Variants in CLCNKA observed in about 807,000 individuals in gnomAD.
The protein encoded by CLCNKA is chloride voltage-gated channel Ka, also known as chloride channel protein ClC-Ka.
CLCNKA carries 66 observed loss-of-function variants against 83.3 expected under a neutral mutation model. The ratio of observed to expected loss-of-function variants is 0.79; its 90% CI spans 0.65 to 0.97. The LOEUF is 0.97. CLCNKA is among the 50% of genes least tolerant of loss of function. The pLI is 0.00. For missense variants in CLCNKA, 806 were observed against 888.7 expected, an observed-to-expected ratio of 0.91 and a Z score of 1.18; for synonymous variants, 357 against 370.4, an observed-to-expected ratio of 0.96 and a Z score of 0.42.
intron 5 of CLCNKA, 67 bp downstream of exon 5, chr1:16,026,314 A>ACCAC: frequency 6.3e-7 from 1 of 1,582,704 alleles, no homozygotes; most frequent in Non-Finnish European, 8.6e-7. Flanking sequence ...TCTCCCCCAT[A>ACCAC]CCCCACCAAA....
Position 16,028,789 on chromosome 1 carries a change from T to G in CLCNKA, c.997T>G (p.Leu333Val). The stretch of plus-strand genomic sequence containing the variant: ...GCCTGTGTACTCCGCTCTGGCCACC[T>G]TGCTTCTCGCCTCCATCACCTACCC... Reference protein sequence around the residue: ...SKPVYSALATLLLASITYPPG... With the variant: ...SKPVYSALATVLLASITYPPG... The change falls in exon 11 of 20, where the codon TTG (leucine) becomes GTG (valine). Residue 333 changes from leucine (L) to valine (V), a missense_variant. By Grantham distance (32) the Leu-to-Val change is conservative. Transcript: ENST00000331433. 6.2e-7 allele frequency: 1 copy of G among 1,614,126 alleles called. No homozygotes were observed. The highest frequency in any genetic ancestry group is 8.5e-7 in the Non-Finnish European group (1 of 1,180,022).
chr1:16,028,447 G>A (rs895909366), intron 10 of CLCNKA, among the ~76,000 whole-genome samples: 5 of 152,086 alleles, frequency 3.3e-5, no homozygotes, highest in East Asian at 1.9e-4. Context: ...CTCCTGCCCC[G>A]GAGATGCACA....
chr1:16,028,659 C>CGGTAT (rs2124042037), intron 10 of CLCNKA, 102 bp from the exon 11 acceptor site: 1 of 1,421,844 alleles, frequency 7.0e-7, no homozygotes, highest in South Asian at 1.1e-5. Context: ...GTATCAGCCC[C>CGGTAT]CAGGTGGGGA....
Position 16,030,669 on chromosome 1 carries a change from C to A in CLCNKA, c.1617C>A (p.Asn539Lys). The change falls in exon 15 of 20, where the codon AAC becomes AAA. Residue 539 changes from asparagine (N) to lysine (K), a missense_variant. Asn to Lys is a moderately conservative substitution (Grantham distance 94). Coordinates refer to ENST00000331433, the MANE Select transcript of CLCNKA (RefSeq NM_004070.4). ...LPYLPRILGR[N>K]IGSHHVRVEH... ...ACCTGCCACGGATTCTGGGCCGCAA[C>A]ATCGGGTGAGTGGTGCCCACCTCAG... The A allele has an allele frequency of 1.9e-6, 3 of 1,613,312 alleles. No individual in the cohort carries two copies. The highest frequency in any genetic ancestry group is 2.5e-6 in the Non-Finnish European group (3 of 1,180,042).
rs1553125021 is a variant in CLCNKA at position 16,030,488 on chromosome 1, C to T, written c.1436C>T (p.Thr479Ile). ...GCTGCAGCCTTCTCAGGGGCTGTGA[C>T]CCACACCATCTCCACGGCGCTGCTG... ...AGAAAFSGAV[T>I]HTISTALLAF... is the part of the protein sequence containing the mutation. The change falls in exon 15 of 20, where the codon ACC becomes ATC. Residue 479 changes from threonine (T) to isoleucine (I), a missense_variant. By Grantham distance (89) the Thr-to-Ile change is moderately conservative (BLOSUM62 -1). Transcript: ENST00000331433. The T allele has an allele frequency of 6.2e-7, 1 of 1,612,876 alleles. No individual in the cohort carries two copies. The highest frequency in any genetic ancestry group is 8.5e-7 in the Non-Finnish European group (1 of 1,179,972).
rs2022704321 is a variant in CLCNKA at position 16,033,158 on chromosome 1, T to C, written c.1930-12T>C. 1 of 1,613,716 alleles carries C rather than the reference T, an allele frequency of 6.2e-7. No individual in the cohort carries two copies. Among genetic ancestry groups the C allele is most frequent in the Non-Finnish European group, 8.5e-7 (1 of 1,179,704 alleles). On this transcript the variant is annotated splice_polypyrimidine_tract_variant and intron_variant, in intron 18 of 19. Transcript: ENST00000331433. Reference sequence around the variant, plus strand: ...TCTACCCTCCAGTGTTTCCTAACAATCCCCCATCCAGGCACAAAACCTCTT... The same window carrying C: ...TCTACCCTCCAGTGTTTCCTAACAACCCCCCATCCAGGCACAAAACCTCTT...
Position 16,028,749 on chromosome 1 carries a change from C to T in CLCNKA, c.969-12C>T. 1 of 1,614,050 alleles carries T rather than the reference C, an allele frequency of 6.2e-7. No homozygotes were observed. Among genetic ancestry groups the T allele is most frequent in the East Asian group, 2.2e-5 (1 of 44,882 alleles). On this transcript the variant is annotated splice_polypyrimidine_tract_variant and intron_variant, in intron 10 of 19. Coordinates refer to ENST00000331433, the MANE Select transcript of CLCNKA (RefSeq NM_004070.4). Reference sequence around the variant, plus strand: ...GGGAGGGCCAGCCCTAGAGCTCACCCACCCCCCACAGCAAGCCTGTGTACT... The same window carrying T: ...GGGAGGGCCAGCCCTAGAGCTCACCTACCCCCCACAGCAAGCCTGTGTACT...
chr1:16,024,906 G>C lies in CLCNKA; in HGVS notation c.358+15G>C. 1 of 1,613,910 alleles carries C rather than the reference G, an allele frequency of 6.2e-7. No homozygotes were observed. The highest frequency in any genetic ancestry group is 8.5e-7 in the Non-Finnish European group (1 of 1,179,964). ...CTCCTCTGGAGGTGAGTCCACGGTC[G>C]CCATGCCAGTCCCCAGTGCCAAAAC... On this transcript the variant is annotated intron_variant, in intron 4 of 19. Coordinates refer to ENST00000331433, the MANE Select transcript of CLCNKA (RefSeq NM_004070.4).
At chr1:16,027,284 C>A in intron 7 of CLCNKA, 26 bp from the exon 8 acceptor site, 1 of 1,612,170 alleles carries the variant, frequency 6.2e-7, no homozygotes, top group South Asian at 1.1e-5. Flanking sequence ...GGGTGGGGGC[C>A]CACCTGACAT....
chr1:16,024,636 C>T (rs748234959), intron 3 of CLCNKA, 127 bp from the exon 4 acceptor site: 24 of 1,309,054 alleles, frequency 1.8e-5, no homozygotes, highest in Non-Finnish European at 2.5e-5. Context: ...GGGTCTGCAC[C>T]TCACTCTGTG....
intron 19 of CLCNKA, 67 bp from the exon 20 acceptor site, chr1:16,033,544 A>AT (rs2022721654): frequency 8.7e-7 from 1 of 1,150,504 alleles, no homozygotes; most frequent in East Asian, 2.4e-5. Flanking sequence ...GGGACTAAAA[A>AT]TGCTGGAGCC....
chr1:16,030,365 C>A lies in CLCNKA; in HGVS notation c.1409-96C>A. On this transcript the variant is annotated intron_variant, in intron 14 of 19. Coordinates refer to ENST00000331433, the MANE Select transcript of CLCNKA (RefSeq NM_004070.4). ...GGCTGTGGCCTCTTACAATTCCCACCCTAGCCCCCGGCAGCAGCCAGGCTA... is the reference window on the plus strand; with the variant it reads ...GGCTGTGGCCTCTTACAATTCCCACACTAGCCCCCGGCAGCAGCCAGGCTA... 4 of 1,481,924 alleles carry A rather than the reference C, an allele frequency of 2.7e-6. No individual in the cohort carries two copies. The South Asian group carries it at 3.5e-5, about 13-fold the overall frequency. The allele number at this position is 1,481,924 out of a possible 1,614,324, so 91.8% of individuals were successfully genotyped here.
chr1:16,028,518 C>T (rs2022476374), intron 10 of CLCNKA: 3 of 665,498 alleles, frequency 4.5e-6, no homozygotes, highest in Non-Finnish European at 8.2e-6. Context: ...CCCCAATTCT[C>T]CTCTCAATCT....
intron 5 of CLCNKA, 35 bp downstream of exon 5, chr1:16,026,282 G>A (rs760546006): frequency 9.6e-6 from 9 of 940,254 alleles, no homozygotes; most frequent in East Asian, 4.9e-5. Context: ...CAGCCACCCC[G>A]CCCACCCTAC....
Position 16,033,239 on chromosome 1 carries a change from T to A in CLCNKA, c.1999T>A (p.Cys667Ser). The change falls in exon 19 of 20, where the codon TGC (cysteine) becomes AGC (serine). Residue 667 changes from cysteine (C) to serine (S), a missense_variant. By Grantham distance (112) the Cys-to-Ser change is moderately radical. Transcript: ENST00000331433. ...FVTSRGRAVG[C>S]VSWVEMKKAI... is the part of the protein sequence containing the mutation. ...GACATCGCGGGGCAGAGCTGTGGGC[T>A]GCGTGTCCTGGGTGGAGGTACCAGG... 2 of 1,613,940 alleles carry A rather than the reference T, an allele frequency of 1.2e-6. No individual in the cohort carries two copies. The highest frequency in any genetic ancestry group is 1.6e-4 in the Middle Eastern group (1 of 6,062).
At chr1:16,029,356 G>C in intron 12 of CLCNKA, 57 bp downstream of exon 12, 1 of 1,610,840 alleles carries the variant, frequency 6.2e-7, no homozygotes, top group South Asian at 1.1e-5. Flanking sequence ...GGTGGGGAGG[G>C]GCGGGGGTGC....
At chr1:16,025,525 C>A (rs1046885863) in intron 4 of CLCNKA, among the ~76,000 whole-genome samples, 1 of 152,072 alleles carries the variant, frequency 6.6e-6, no homozygotes, top group Admixed American at 6.6e-5. Context: ...ACAACCACCA[C>A]AACAAAAAGT....
chr1:16,024,603 G>A (rs1438123095), intron 3 of CLCNKA, among the ~76,000 whole-genome samples, 160 bp from the exon 4 acceptor site: 1 of 152,156 alleles, frequency 6.6e-6, no homozygotes. Context: ...TGGACCCAGG[G>A]TCGTACTCCT....
intron 15 of CLCNKA, 95 bp downstream of exon 15, chr1:16,030,769 G>A: frequency 6.6e-7 from 1 of 1,509,722 alleles, no homozygotes; most frequent in Non-Finnish European, 9.1e-7. Flanking sequence ...CACCACCGCA[G>A]CTGACCTCCG....
Sources: gnomAD v4.1 joint callset for allele counts (sites outside exome capture counted in the v4.1 genomes callset) on GRCh38, gnomAD v4.1.1 for gene constraint, MANE v1.5 for transcripts, NCBI Gene and HGNC (gene_info 2026-07-23, HGNC 2026-07-21) for gene names.